Variants in MAPK10 observed in about 807,000 individuals in gnomAD.
The protein encoded by MAPK10 is JNK3 alpha protein kinase.
MAPK10 carries 25 observed loss-of-function variants against 59.3 expected under a neutral mutation model. That is an observed-to-expected ratio of 0.42 (90% CI 0.31 to 0.59). The LOEUF (loss-of-function observed/expected upper bound fraction) is 0.59, where lower values mean the gene tolerates loss of function less well. Ranked by LOEUF, MAPK10 falls within the 20% of genes least tolerant of loss-of-function variation. MAPK10 has a pLI of 0.15. For missense variants in MAPK10, 351 were observed against 568.9 expected (o/e 0.62, Z 3.90); for synonymous variants, 190 against 200.5 (o/e 0.95, Z 0.44).
intron 2 of MAPK10, among the ~76,000 whole-genome samples, chr4:86,296,555 G>T (rs779929312): frequency 6.6e-6 from 1 of 152,150 alleles, no homozygotes; most frequent in Non-Finnish European, 1.5e-5. Flanking sequence ...TTAAAAATAT[G>T]TATATAGGAA....
rs1446409018 is a variant in MAPK10, at chr4:86,359,670, G to A, written c.-134C>T. On this transcript the variant is annotated 5_prime_UTR_variant, in exon 1 of 14. Transcript: ENST00000641462. ...AAGAGCCACCTACCATTCCGTGCCT[G>A]AGAACTACGATCCTGATCCGGCAGT... is the stretch of plus-strand genomic sequence containing the variant. The A allele has an allele frequency of 1.0e-6, 1 of 985,732 alleles. No homozygotes were observed. Among genetic ancestry groups the A allele is most frequent in the African/African-American group, 1.7e-5 (1 of 57,172 alleles). The allele number at this position is 985,732 out of a possible 1,614,324, so 61.1% of individuals were successfully genotyped here. A position where few individuals can be genotyped will look rare whatever the true frequency, so the allele number is the denominator to read the frequency against.
intron 2 of MAPK10, among the ~76,000 whole-genome samples, chr4:86,300,179 C>T (rs1424383128): frequency 6.6e-6 from 1 of 152,186 alleles, no homozygotes; most frequent in Non-Finnish European, 1.5e-5. Context: ...AGGCATGAAC[C>T]ACCTCACCTG....
chr4:86,374,588 A>G (rs996148344), intron 1 of MAPK10, among the ~76,000 whole-genome samples: 2 of 152,158 alleles, frequency 1.3e-5, no homozygotes, highest in Non-Finnish European at 2.9e-5. Flanking sequence ...AAAAGGCAGA[A>G]GAAGCCCTTC....
At chr4:86,176,665 A>G (rs1470888514) in intron 3 of MAPK10, among the ~76,000 whole-genome samples, 3 of 152,088 alleles carry the variant, frequency 2.0e-5, no homozygotes, top group Non-Finnish European at 2.9e-5. Flanking sequence ...TGCTCAGCAT[A>G]TAAAACAGAA....
intron 2 of MAPK10, among the ~76,000 whole-genome samples, chr4:86,302,731 G>T (rs1222722142): frequency 2.6e-5 from 4 of 152,116 alleles, no homozygotes; most frequent in Non-Finnish European, 4.4e-5. Context: ...TAATTGTGCA[G>T]AATACCTGAC....
chr4:86,554,613 C>A (rs1760109875), intron 1 of MAPK10, among the ~76,000 whole-genome samples: 1 of 152,136 alleles, frequency 6.6e-6, no homozygotes, highest in Admixed American at 6.5e-5. Flanking sequence ...GCCACTAATT[C>A]AATTCAGGCT....
intron 1 of MAPK10, among the ~76,000 whole-genome samples, chr4:86,428,938 C>A (rs1747664789): frequency 1.3e-5 from 2 of 152,196 alleles, no homozygotes; most frequent in East Asian, 3.9e-4. Context: ...TGAATTTATT[C>A]TCTGCATAAA....
At chr4:86,410,752 C>T (rs1207459892) in intron 1 of MAPK10, among the ~76,000 whole-genome samples, 3 of 151,996 alleles carry the variant, frequency 2.0e-5, no homozygotes, top group Middle Eastern at 3.4e-3. Flanking sequence ...GGTGATATCC[C>T]CTTTATCATT....
intron 3 of MAPK10, among the ~76,000 whole-genome samples, chr4:86,190,161 G>A (rs1051787275): frequency 6.6e-6 from 1 of 152,134 alleles, no homozygotes; most frequent in South Asian, 2.1e-4. Flanking sequence ...GTATTTTATT[G>A]AGGATTTTTA....
At chr4:86,423,770 C>CATATATATATATATATATATATACATAT (rs1746862919) in intron 1 of MAPK10, among the ~76,000 whole-genome samples, 2 of 91,600 alleles carry the variant, frequency 2.2e-5, no homozygotes, top group Admixed American at 1.2e-4. Flanking sequence ...GATATATATA[C>CATATATATATATATATATATATACATAT]ATATATATAT....
At chr4:86,056,632 G>A (rs948608662) in intron 11 of MAPK10, among the ~76,000 whole-genome samples, 4 of 149,920 alleles carry the variant, frequency 2.7e-5, no homozygotes. Flanking sequence ...AGCTTTTACA[G>A]TAAAAATGTA....
chr4:86,292,286 T>G (rs189473875), intron 2 of MAPK10, among the ~76,000 whole-genome samples: 225 of 152,338 alleles, frequency 1.5e-3, no homozygotes, highest in African/African-American at 5.3e-3. Flanking sequence ...GAAAATATAA[T>G]ACTTCTCTCC....
chr4:86,050,372 G>A (rs1387831734), intron 11 of MAPK10, among the ~76,000 whole-genome samples: 1 of 152,140 alleles, frequency 6.6e-6, no homozygotes, highest in Non-Finnish European at 1.5e-5. Flanking sequence ...TACACTTGAA[G>A]CTTAACAAAA....
At chr4:86,049,235 G>A (rs568352015) in intron 11 of MAPK10, among the ~76,000 whole-genome samples, 232 of 152,090 alleles carry the variant, frequency 1.5e-3, no homozygotes, top group Middle Eastern at 3.4e-3. Context: ...AGTTGATAAC[G>A]TTAATGAGTT....
chr4:86,340,572 C>T (rs1724318314), intron 2 of MAPK10: 1 of 152,108 alleles, frequency 6.6e-6, no homozygotes, highest in Admixed American at 6.6e-5. Context: ...CATGTCCCTC[C>T]CCTGACACTT....
chr4:86,498,894 C>G (rs1755093239), intron 1 of MAPK10, among the ~76,000 whole-genome samples: 1 of 152,114 alleles, frequency 6.6e-6, no homozygotes, highest in African/African-American at 2.4e-5. Flanking sequence ...AGTAAAATAA[C>G]AAAGTTCTTA....
intron 2 of MAPK10, among the ~76,000 whole-genome samples, chr4:86,280,661 T>C (rs915223778): frequency 2.0e-5 from 3 of 152,090 alleles, no homozygotes; most frequent in African/African-American, 7.2e-5. Context: ...GTTGCAGTAA[T>C]ATTCACAATA....
chr4:86,053,680 AT>A (rs1341983715), intron 11 of MAPK10, among the ~76,000 whole-genome samples: 1 of 152,112 alleles, frequency 6.6e-6, no homozygotes, highest in African/African-American at 2.4e-5. Flanking sequence ...AAAAATATAT[AT>A]TTTTTTCTCC....
chr4:86,505,114 C>A (rs751949500), intron 1 of MAPK10, among the ~76,000 whole-genome samples: 1 of 152,132 alleles, frequency 6.6e-6, no homozygotes, highest in Non-Finnish European at 1.5e-5. Context: ...TCAACCTTCA[C>A]CTGTTTCTGG....
Sources: allele counts gnomAD v4.1 joint callset (sites outside exome capture counted in the v4.1 genomes callset), GRCh38; gene constraint gnomAD v4.1.1; transcripts MANE v1.5; gene names NCBI Gene and HGNC (gene_info 2026-07-23, HGNC 2026-07-21).